The following PSMB1 variants were observed in gnomAD, a reference collection of about 807,000 sequenced individuals.
PSMB1 encodes the protein proteasome subunit beta type-1.
In PSMB1, 7 loss-of-function variants were observed where a neutral mutation model predicts 25.4. The ratio of observed to expected loss-of-function variants is 0.28; its 90% CI spans 0.16 to 0.52. The LOEUF is 0.52. Among genes scored for constraint, PSMB1 ranks in the 20% least tolerant of loss-of-function variants. The pLI is 0.97. For synonymous variants in PSMB1, 119 were observed against 115.0 expected (o/e 1.03, Z -0.22); for missense variants, 284 against 302.2 (o/e 0.94, Z 0.45).
chr6:170,543,740 T>C lies in PSMB1; in HGVS notation c.304-10A>G. 2.5e-6 allele frequency: 4 copies of C among 1,603,050 alleles called. No homozygotes were observed. The highest frequency in any genetic ancestry group is 2.6e-6 in the Non-Finnish European group (3 of 1,174,900). ...TGGAATGCTTATACATCTGCAATTA[T>C]TGATAAAAGTCACAGGCATGTAGAG... On this transcript the variant is annotated splice_polypyrimidine_tract_variant and intron_variant, in intron 3 of 5. Transcript: ENST00000262193.
intron 4 of PSMB1, among the ~76,000 whole-genome samples, chr6:170,539,215 C>G (rs1357592053): frequency 6.6e-6 from 1 of 152,074 alleles, no homozygotes; most frequent in Non-Finnish European, 1.5e-5. Flanking sequence ...TAAAATCAGA[C>G]AAGTCTTAAA....
At position 170,546,159 on chromosome 6, in the gene PSMB1, T is replaced by C. The variant is rs1289256838; in HGVS notation, c.247A>G (p.Ser83Gly). ...GTAAGACAGTCTCCATGAAAACCGC[T>C]GCATCCAATGACTGTTTTGTCTGTT... The part of the protein sequence containing the change: ...KLTDKTVIGC[S>G]GFHGDCLTLT... The change falls in exon 3 of 6, where the codon AGC becomes GGC. Residue 83 changes from serine (S) to glycine (G), a missense_variant. Physicochemically the swap from Ser to Gly is moderately conservative, Grantham distance 56. Transcript: ENST00000262193. 1.9e-6 allele frequency: 3 copies of C among 1,613,998 alleles called. No homozygotes were observed. The highest frequency in any genetic ancestry group is 2.5e-6 in the Non-Finnish European group (3 of 1,179,928).
Position 170,549,078 on chromosome 6 carries a change from A to G in PSMB1, c.149T>C (p.Ile50Thr). Reference protein sequence around the residue: ...ILAIAGEDFAIVASDTRLSEG... With the variant: ...ILAIAGEDFATVASDTRLSEG... ...ACTCAATCGAGTATCAGAAGCAACA[A>G]TTGCAAAATCTTCTCCAGCAATTGC... is the stretch of plus-strand genomic sequence containing the variant. The change falls in exon 2 of 6, where the codon ATT becomes ACT. Residue 50 changes from isoleucine to threonine, a missense_variant. By Grantham distance (89) the Ile-to-Thr change is moderately conservative (BLOSUM62 -1). Transcript: ENST00000262193. 1 of 1,613,866 alleles carries G rather than the reference A, an allele frequency of 6.2e-7. No homozygotes were observed. Among genetic ancestry groups the G allele is most frequent in the Non-Finnish European group, 8.5e-7 (1 of 1,179,866 alleles).
intron 1 of PSMB1, among the ~76,000 whole-genome samples, chr6:170,551,850 T>C (rs1301253505): frequency 6.6e-6 from 1 of 152,206 alleles, no homozygotes; most frequent in African/African-American, 2.4e-5. Flanking sequence ...TTAAATAAGA[T>C]GACAGCTTGC....
At chr6:170,545,544 A>T (rs896664042) in intron 3 of PSMB1, among the ~76,000 whole-genome samples, 1 of 152,220 alleles carries the variant, frequency 6.6e-6, no homozygotes, top group Non-Finnish European at 1.5e-5. Flanking sequence ...ATGAATAGGC[A>T]AAACAGAATG....
chr6:170,538,789 G>C (rs542242890), intron 4 of PSMB1, among the ~76,000 whole-genome samples: 1 of 152,184 alleles, frequency 6.6e-6, no homozygotes, highest in Non-Finnish European at 1.5e-5. Flanking sequence ...ATTTTTGCTG[G>C]AAGCAAGCTT....
chr6:170,543,712 T>C lies in PSMB1; in HGVS notation c.322A>G (p.Asn108Asp). The stretch of plus-strand genomic sequence containing the variant: ...ATTGCCCCCGTAGTCATGGCCTTAT[T>C]ATTGGAATGCTTATACATCTGCAAT... ...ARLKMYKHSN[N>D]KAMTTGAIAA... is the part of the protein sequence containing the mutation. The change falls in exon 4 of 6, where the codon AAT becomes GAT. Residue 108 changes from asparagine (N) to aspartate (D), a missense_variant. By Grantham distance (23) the Asn-to-Asp change is conservative (BLOSUM62 1). Coordinates refer to ENST00000262193, the MANE Select transcript of PSMB1 (RefSeq NM_002793.4). 6.2e-7 allele frequency: 1 copy of C among 1,610,256 alleles called. No individual in the cohort carries two copies. Among genetic ancestry groups the C allele is most frequent in the Non-Finnish European group, 8.5e-7 (1 of 1,177,932 alleles).
chr6:170,550,784 T>C (rs981629767), intron 1 of PSMB1, among the ~76,000 whole-genome samples: 2 of 151,918 alleles, frequency 1.3e-5, no homozygotes, highest in Middle Eastern at 3.4e-3. Flanking sequence ...GAAAACCAAT[T>C]ATGACATCCA....
chr6:170,547,164 G>A (rs1396606183), intron 2 of PSMB1, among the ~76,000 whole-genome samples: 1 of 152,100 alleles, frequency 6.6e-6, no homozygotes, highest in Non-Finnish European at 1.5e-5. Context: ...CCTGTTAGAT[G>A]GGCAATTTGG....
At chr6:170,541,473 A>T (rs1243757044) in intron 4 of PSMB1, among the ~76,000 whole-genome samples, 2 of 152,208 alleles carry the variant, frequency 1.3e-5, no homozygotes, top group African/African-American at 4.8e-5. Context: ...GAGGACACAA[A>T]AGAGCTAAGA....
At chr6:170,544,753 A>G (rs1778797056) in intron 3 of PSMB1, among the ~76,000 whole-genome samples, 1 of 152,202 alleles carries the variant, frequency 6.6e-6, no homozygotes, top group African/African-American at 2.4e-5. Flanking sequence ...TTAAATAATG[A>G]CAGTCAAAAC....
At chr6:170,535,928 A>T (rs1360299543) in intron 5 of PSMB1, among the ~76,000 whole-genome samples, 1 of 152,228 alleles carries the variant, frequency 6.6e-6, no homozygotes, top group Non-Finnish European at 1.5e-5. Context: ...AGCAATAAGC[A>T]GAGGAGTAGC....
At chr6:170,547,908 TCAC>T (rs1289193723) in intron 2 of PSMB1, among the ~76,000 whole-genome samples, 1 of 147,556 alleles carries the variant, frequency 6.8e-6, no homozygotes, top group African/African-American at 2.5e-5. Flanking sequence ...AGTGCTCACT[TCAC>T]CAGCAAACGT....
chr6:170,548,987 T>C lies in PSMB1; in HGVS notation c.221+19A>G. On this transcript the variant is annotated intron_variant, in intron 2 of 5. Coordinates refer to ENST00000262193, the MANE Select transcript of PSMB1 (RefSeq NM_002793.4). Reference sequence around the variant, plus strand: ...CATTACAAAGGCATTGTGAAATGTCTTTAGAAATATTTACTTACAATTTGT... The same window carrying C: ...CATTACAAAGGCATTGTGAAATGTCCTTAGAAATATTTACTTACAATTTGT... 6.6e-7 allele frequency: 1 copy of C among 1,514,362 alleles called. No homozygotes were observed. The highest frequency in any genetic ancestry group is 1.1e-5 in the South Asian group (1 of 88,760). The allele number at this position is 1,514,362 out of a possible 1,614,324, so 93.8% of individuals were successfully genotyped here. A position where few individuals can be genotyped will look rare whatever the true frequency, so the allele number is the denominator to read the frequency against.
At chr6:170,542,297 G>T (rs888384527) in intron 4 of PSMB1, among the ~76,000 whole-genome samples, 1 of 152,134 alleles carries the variant, frequency 6.6e-6, no homozygotes, top group Non-Finnish European at 1.5e-5. Flanking sequence ...GAAAGCGATA[G>T]GAGTCAACAA....
chr6:170,547,223 G>A (rs1778830145), intron 2 of PSMB1, among the ~76,000 whole-genome samples: 2 of 152,138 alleles, frequency 1.3e-5, no homozygotes, highest in African/African-American at 4.8e-5. Context: ...CAATTCTATT[G>A]CTAGAAATCC....
intron 4 of PSMB1, among the ~76,000 whole-genome samples, chr6:170,541,219 G>T (rs1028013952): frequency 6.6e-6 from 1 of 152,050 alleles, no homozygotes; most frequent in African/African-American, 2.4e-5. Context: ...AGTATGTGAG[G>T]TCTGACAACC....
intron 4 of PSMB1, among the ~76,000 whole-genome samples, chr6:170,541,526 G>C (rs1468890598): frequency 6.6e-6 from 1 of 152,074 alleles, no homozygotes; most frequent in Non-Finnish European, 1.5e-5. Context: ...TATCTCAAAA[G>C]AGTGCAGTAC....
intron 5 of PSMB1, 34 bp downstream of exon 5, chr6:170,537,200 A>C (rs200921481): frequency 6.6e-7 from 1 of 1,519,290 alleles, no homozygotes; most frequent in East Asian, 2.3e-5. Context: ...GACAAGTTGG[A>C]CATAGTATCA....
Sources: allele counts gnomAD v4.1 joint callset (sites outside exome capture counted in the v4.1 genomes callset), GRCh38; gene constraint gnomAD v4.1.1; transcripts MANE v1.5; gene names NCBI Gene and HGNC (gene_info 2026-07-23, HGNC 2026-07-21).